The following PRKCQ variants were observed in gnomAD, a reference collection of about 807,000 sequenced individuals.
PRKCQ encodes protein kinase C theta type.
PRKCQ carries 41 observed loss-of-function variants against 91.2 expected under a neutral mutation model. The ratio of observed to expected loss-of-function variants is 0.45; its 90% confidence interval spans 0.35 to 0.58. The LOEUF (loss-of-function observed/expected upper bound fraction) is 0.58, where lower values mean the gene tolerates loss of function less well. Among genes scored for constraint, PRKCQ ranks in the 20% least tolerant of loss-of-function variants. PRKCQ has a pLI of 0.00. For synonymous variants in PRKCQ, 307 were observed against 316.9 expected, an observed-to-expected ratio of 0.97 and a Z score of 0.33; for missense variants, 673 against 896.5, an observed-to-expected ratio of 0.75 and a Z score of 3.18.
intron 15 of PRKCQ, among the ~76,000 whole-genome samples, chr10:6,446,571 G>A (rs893439621): frequency 6.6e-6 from 1 of 151,870 alleles, no homozygotes; most frequent in African/African-American, 2.4e-5. Context: ...TCACCATGTT[G>A]GCCAGGCTGG....
intron 1 of PRKCQ, among the ~76,000 whole-genome samples, chr10:6,575,586 C>T (rs1841199399): frequency 6.6e-6 from 1 of 152,130 alleles, no homozygotes; most frequent in Non-Finnish European, 1.5e-5. Context: ...TCCATTAATT[C>T]TACACTAGAA....
chr10:6,396,853 T>C, the PRKCQ span, among the ~76,000 whole-genome samples: 8 of 152,372 alleles, frequency 5.3e-5, no homozygotes, highest in South Asian at 1.2e-3. Context: ...AAAATTTAAC[T>C]GCCAAACTAT....
At chr10:6,577,577 A>C (rs992471031) in intron 1 of PRKCQ, among the ~76,000 whole-genome samples, 1 of 152,232 alleles carries the variant, frequency 6.6e-6, no homozygotes, top group Non-Finnish European at 1.5e-5. Context: ...AATCACGTCT[A>C]TATTGCTGGG....
chr10:6,529,590 G>A (rs940306478), intron 1 of PRKCQ, among the ~76,000 whole-genome samples: 2 of 152,160 alleles, frequency 1.3e-5, no homozygotes, highest in Non-Finnish European at 2.9e-5. Flanking sequence ...CCTTTGCATG[G>A]CCGAGTTCAA....
intron 12 of PRKCQ, among the ~76,000 whole-genome samples, chr10:6,470,339 G>A (rs929684643): frequency 2.0e-5 from 3 of 152,092 alleles, no homozygotes; most frequent in Non-Finnish European, 4.4e-5. Context: ...CTGTGGTTTA[G>A]CACTTGAATT....
At chr10:6,570,605 A>G (rs1191703219) in intron 1 of PRKCQ, among the ~76,000 whole-genome samples, 6 of 141,236 alleles carry the variant, frequency 4.2e-5, no homozygotes, top group African/African-American at 1.3e-4. Context: ...CCCAGGCTGG[A>G]GTGCAATGGG....
chr10:6,486,279 C>A, intron 8 of PRKCQ, 135 bp from the exon 9 acceptor site: 1 of 708,208 alleles, frequency 1.4e-6, no homozygotes, highest in South Asian at 1.5e-5. Flanking sequence ...GAAGTTGACC[C>A]TGGCTCTCCC....
chr10:6,397,906 C>T, the PRKCQ span, among the ~76,000 whole-genome samples: 1 of 152,242 alleles, frequency 6.6e-6, no homozygotes, highest in South Asian at 2.1e-4. Context: ...GCCTAGGCAA[C>T]AAGCACGAGA....
At chr10:6,395,054 G>GTTTTTTTTTT in the PRKCQ span, among the ~76,000 whole-genome samples, 135 of 129,900 alleles carry the variant, frequency 1.0e-3, 3 homozygotes, top group African/African-American at 3.4e-3. Flanking sequence ...GGAAGCTGGA[G>GTTTTTTTTTT]TCTTTTTTTT....
intron 1 of PRKCQ, among the ~76,000 whole-genome samples, chr10:6,534,775 T>TCTATATATATATATAG: frequency 1.3e-4 from 1 of 7,680 alleles, no homozygotes; most frequent in East Asian, 9.4e-3. Flanking sequence ...AACATATATC[T>TCTATATATATATATAG]ATATATATAT....
In PRKCQ at chr10:6,576,561, C is replaced by A. The variant is rs1019900869; in HGVS notation, c.-10+3650G>T. On this transcript the variant is annotated intron_variant, in intron 1 of 17. Coordinates refer to ENST00000263125, the MANE Select transcript of PRKCQ (RefSeq NM_006257.5). The surrounding 1 kb of genome is among the most constrained non-coding windows in gnomAD (Gnocchi z 4.2). ...GCTGAGAGGAAAGACGGATGAGGAA[C>A]GAATGTTCCACGAGGACAGAGTTTC... Among the ~76,000 whole-genome samples the A allele has an allele frequency of 6.6e-6, 1 of 152,072 alleles. No homozygotes were observed. Among genetic ancestry groups the A allele is most frequent in the African/African-American group, 2.4e-5 (1 of 41,380 alleles).
At chr10:6,404,494 CCTTT>C in the PRKCQ span, among the ~76,000 whole-genome samples, 2 of 129,202 alleles carry the variant, frequency 1.5e-5, no homozygotes, top group Admixed American at 8.0e-5. Context: ...TTCTCTCTTT[CCTTT>C]CTTTCTCTGT....
chr10:6,395,835 C>T, the PRKCQ span, among the ~76,000 whole-genome samples: 1 of 152,100 alleles, frequency 6.6e-6, no homozygotes, highest in Non-Finnish European at 1.5e-5. Flanking sequence ...TTGCCGAGGT[C>T]CTGACCGTCA....
chr10:6,437,819 T>C (rs532046919), intron 16 of PRKCQ, among the ~76,000 whole-genome samples: 2 of 151,892 alleles, frequency 1.3e-5, no homozygotes, highest in Admixed American at 6.6e-5. Context: ...ACCTGGCTAA[T>C]TTTTTTTGTA....
chr10:6,481,495 G>A (rs1836595754), intron 11 of PRKCQ, among the ~76,000 whole-genome samples: 1 of 152,122 alleles, frequency 6.6e-6, no homozygotes, highest in South Asian at 2.1e-4. Context: ...GCTCAGATTA[G>A]CACCAAATGA....
At chr10:6,493,599 T>C (rs1837438430) in intron 7 of PRKCQ, among the ~76,000 whole-genome samples, 1 of 152,102 alleles carries the variant, frequency 6.6e-6, no homozygotes, top group Admixed American at 6.5e-5. Flanking sequence ...CTCAAGACTT[T>C]GTACCAGGAA....
intron 16 of PRKCQ, among the ~76,000 whole-genome samples, chr10:6,434,637 C>T (rs568940671): frequency 6.6e-5 from 10 of 152,190 alleles, no homozygotes; most frequent in African/African-American, 1.9e-4. Flanking sequence ...GCTGTCAGGA[C>T]GGAGGTTTAC....
chr10:6,414,708 A>ATGT, the PRKCQ span, among the ~76,000 whole-genome samples: 1 of 152,260 alleles, frequency 6.6e-6, no homozygotes, highest in East Asian at 1.9e-4. Context: ...ATTACAAAGA[A>ATGT]AATATTTGTA....
rs769966315 is a variant in PRKCQ at position 6,428,082 on chromosome 10, G to C, written c.*125C>G. 4.8e-6 allele frequency: 6 copies of C among 1,241,810 alleles called. No individual in the cohort carries two copies. Among genetic ancestry groups the C allele is most frequent in the Non-Finnish European group, 5.7e-6 (5 of 876,264 alleles). The allele number at this position is 1,241,810 out of a possible 1,614,324, so 76.9% of individuals were successfully genotyped here. On this transcript the variant is annotated 3_prime_UTR_variant, in exon 18 of 18. Transcript: ENST00000263125. Reference sequence around the variant, plus strand: ...GATAAAAGTCACATGGGGGCGAACGGGTCTCAGTCTTTATTGTTGAGTGTT... The same window carrying C: ...GATAAAAGTCACATGGGGGCGAACGCGTCTCAGTCTTTATTGTTGAGTGTT...
Sources: gnomAD v4.1 joint callset for allele counts (sites outside exome capture counted in the v4.1 genomes callset) on GRCh38, gnomAD v4.1.1 for gene constraint, Gnocchi (gnomAD v3.1) non-coding constraint, MANE v1.5 for transcripts, NCBI Gene and HGNC (gene_info 2026-07-23, HGNC 2026-07-21) for gene names.